SNTG1: variants seen among roughly 807,000 people sequenced by gnomAD.
SNTG1 encodes the protein gamma-1-syntrophin.
A neutral mutation model predicts 74.7 loss-of-function variants in SNTG1; 39 were observed. The ratio of observed to expected loss-of-function variants is 0.52; its 90% CI spans 0.40 to 0.68. SNTG1 has a LOEUF of 0.68. Among genes scored for constraint, SNTG1 ranks in the 30% least tolerant of loss-of-function variants. The probability of loss-of-function intolerance (pLI) is 0.00; values close to 1 mark genes in which losing one functional copy is unlikely to be tolerated. For missense variants in SNTG1, 685 were observed against 609.5 expected (o/e 1.12, Z -1.30); for synonymous variants, 254 against 217.1 (o/e 1.17, Z -1.49).
rs2094113307 is a variant in SNTG1, at chr8:50,514,355, T to C, written c.466+11475T>C. 2.6e-5 allele frequency among the ~76,000 whole-genome samples: 4 copies of C among 152,296 alleles called. No homozygotes were observed. The South Asian group carries it at 8.3e-4, about 32-fold the overall frequency. On this transcript the variant is annotated intron_variant, in intron 9 of 18. Coordinates refer to ENST00000642720, the MANE Select transcript of SNTG1 (RefSeq NM_018967.5). ...AACATAATGCTTTAAAATACATATG[T>C]TTACTGATAAAATTTTCTCTCTTTG...
chr8:49,987,012 T>C (rs1813226237), intron 1 of SNTG1, among the ~76,000 whole-genome samples: 11 of 152,236 alleles, frequency 7.2e-5, no homozygotes. Flanking sequence ...CAATTCCATT[T>C]GCCCTTAGCT....
intron 1 of SNTG1, among the ~76,000 whole-genome samples, chr8:50,002,014 T>C (rs1013095714): frequency 3.5e-4 from 54 of 152,276 alleles, no homozygotes; most frequent in Admixed American, 3.3e-4. Flanking sequence ...AGACTACCGC[T>C]GTTTCTGAGC....
chr8:50,436,438 TA>T lies in SNTG1; in HGVS notation c.163-2104del, dbSNP rs34117866. On this transcript the variant is annotated intron_variant, in intron 4 of 18. Transcript: ENST00000642720. Reference sequence around the variant, plus strand: ...ATTACATAAGAATCCCTATATAGGATATCAGATTGTGTGTGTGTGCGTGCAT... The same window carrying T: ...ATTACATAAGAATCCCTATATAGGATTCAGATTGTGTGTGTGTGCGTGCAT... Among the ~76,000 whole-genome samples the T allele has an allele frequency of 6.2e-3, 941 of 152,246 alleles. 12 individuals carry two copies. The highest frequency in any genetic ancestry group is 0.021 in the African/African-American group (893 of 41,568).
chr8:50,108,631 G>A (rs947093117), intron 1 of SNTG1, among the ~76,000 whole-genome samples: 1 of 152,118 alleles, frequency 6.6e-6, no homozygotes, highest in South Asian at 2.1e-4. Flanking sequence ...AAATGATTTA[G>A]TATCTTCTTT....
At chr8:50,495,196 G>C (rs901490488) in intron 8 of SNTG1, among the ~76,000 whole-genome samples, 1 of 152,006 alleles carries the variant, frequency 6.6e-6, no homozygotes, top group African/African-American at 2.4e-5. Flanking sequence ...ATTTAGACTA[G>C]AAATGCCTAT....
In SNTG1 at chr8:50,794,538, A is replaced by C. The variant is rs976945670; in HGVS notation, c.*1709A>C. On this transcript the variant is annotated 3_prime_UTR_variant, in exon 19 of 19. Transcript: ENST00000642720. ...AGTACACATTTGTAATTAGGATAGA[A>C]CTTTAGAATTATTGCACACTATATT... The C allele has an allele frequency of 1.3e-5, 2 of 152,026 alleles. No homozygotes were observed. The highest frequency in any genetic ancestry group is 4.8e-5 in the African/African-American group (2 of 41,428). 9.4% of individuals were successfully genotyped at this position (152,026 alleles called of 1,614,324 possible). A position where few individuals can be genotyped will look rare whatever the true frequency, so the allele number is the denominator to read the frequency against.
At chr8:50,485,177 A>G (rs1006535943) in intron 8 of SNTG1, among the ~76,000 whole-genome samples, 3 of 152,260 alleles carry the variant, frequency 2.0e-5, no homozygotes, top group East Asian at 1.9e-4. Flanking sequence ...AACCTTGTGG[A>G]AAAACGGCTG....
chr8:50,625,260 A>G (rs1202555914), intron 13 of SNTG1, among the ~76,000 whole-genome samples: 2 of 152,196 alleles, frequency 1.3e-5, no homozygotes, highest in East Asian at 1.9e-4. Context: ...GGCTTTATCA[A>G]TACATCCTTT....
intron 4 of SNTG1, among the ~76,000 whole-genome samples, chr8:50,421,296 C>G (rs2093083780): frequency 6.6e-6 from 1 of 152,096 alleles, no homozygotes; most frequent in Non-Finnish European, 1.5e-5. Flanking sequence ...TTCGGGGCTG[C>G]TAGTGGCCCA....
intron 1 of SNTG1, among the ~76,000 whole-genome samples, chr8:49,952,524 G>T (rs1370260229): frequency 6.6e-6 from 1 of 152,188 alleles, no homozygotes; most frequent in African/African-American, 2.4e-5. Context: ...GAATGAAGAA[G>T]ATGCTAGCAT....
At chr8:50,315,285 TATC>T (rs1221396454) in intron 2 of SNTG1, among the ~76,000 whole-genome samples, 2 of 149,720 alleles carry the variant, frequency 1.3e-5, no homozygotes, top group African/African-American at 5.0e-5. Context: ...AAAGGAACAA[TATC>T]ATTGCTTTAC....
chr8:50,028,879 T>A (rs1199869965), intron 1 of SNTG1, among the ~76,000 whole-genome samples: 4 of 152,194 alleles, frequency 2.6e-5, no homozygotes, highest in Non-Finnish European at 4.4e-5. Context: ...TGGCTAGAGA[T>A]GTCAAGCAAC....
intron 1 of SNTG1, among the ~76,000 whole-genome samples, chr8:50,141,433 A>T (rs1052351724): frequency 9.9e-5 from 15 of 152,114 alleles, no homozygotes; most frequent in Non-Finnish European, 1.8e-4. Flanking sequence ...TTTAATTAGC[A>T]TTTTCCTAAT....
At chr8:50,420,651 G>C (rs574908667) in intron 4 of SNTG1, among the ~76,000 whole-genome samples, 1 of 151,962 alleles carries the variant, frequency 6.6e-6, no homozygotes, top group Non-Finnish European at 1.5e-5. Context: ...TTAAAGTAAG[G>C]GTGATGGTTC....
intron 2 of SNTG1, among the ~76,000 whole-genome samples, chr8:50,277,797 A>G (rs2088201143): frequency 6.6e-6 from 1 of 152,154 alleles, no homozygotes; most frequent in African/African-American, 2.4e-5. Flanking sequence ...GTTTTTATTA[A>G]TTTTATTTAC....
At chr8:50,012,235 C>A (rs2130583407) in intron 1 of SNTG1, among the ~76,000 whole-genome samples, 1 of 152,200 alleles carries the variant, frequency 6.6e-6, no homozygotes, top group Admixed American at 6.5e-5. Flanking sequence ...ATCTTCTTTC[C>A]TGTTTTTCTA....
At chr8:49,990,750 A>G (rs1326430733) in intron 1 of SNTG1, among the ~76,000 whole-genome samples, 2 of 152,120 alleles carry the variant, frequency 1.3e-5, no homozygotes, top group Non-Finnish European at 2.9e-5. Flanking sequence ...CACATGTAAC[A>G]TGATTAAGTT....
intron 1 of SNTG1, among the ~76,000 whole-genome samples, chr8:50,128,194 C>T (rs1226562644): frequency 2.0e-5 from 3 of 152,094 alleles, no homozygotes; most frequent in Non-Finnish European, 2.9e-5. Flanking sequence ...ATCCCAAGAT[C>T]GGTACTTATG....
intron 12 of SNTG1, among the ~76,000 whole-genome samples, chr8:50,562,088 C>T (rs2094491922): frequency 6.6e-6 from 1 of 152,144 alleles, no homozygotes; most frequent in African/African-American, 2.4e-5. Context: ...AACTGGAAAG[C>T]AATTTGAAAA....
Sources: gnomAD v4.1 joint callset for allele counts (sites outside exome capture counted in the v4.1 genomes callset) on GRCh38, gnomAD v4.1.1 for gene constraint, MANE v1.5 for transcripts, NCBI Gene and HGNC (gene_info 2026-07-23, HGNC 2026-07-21) for gene names.